Variants in NFATC2 observed in about 807,000 individuals in gnomAD.
The protein encoded by NFATC2 is nuclear factor of activated T-cells, cytoplasmic 2.
Under a neutral mutation model 87.3 loss-of-function variants are expected in NFATC2, and 22 were observed. The observed-to-expected ratio is 0.25, with a 90% CI of 0.18 to 0.36. The LOEUF (loss-of-function observed/expected upper bound fraction) is 0.36, where lower values mean the gene tolerates loss of function less well. Ranked by LOEUF, NFATC2 falls within the 10% of genes least tolerant of loss-of-function variation. The pLI is 1.00. For synonymous variants in NFATC2, 565 were observed against 542.2 expected (o/e 1.04, Z -0.58); for missense variants, 1,149 against 1,259.1 (o/e 0.91, Z 1.32).
intron 1 of NFATC2, among the ~76,000 whole-genome samples, chr20:51,542,041 C>A (rs1247966076): frequency 6.6e-6 from 1 of 152,218 alleles, no homozygotes; most frequent in Non-Finnish European, 1.5e-5. Flanking sequence ...CCTTTGACAG[C>A]CCAGTCCCAG....
At chr20:51,476,429 T>A (rs904809203) in intron 3 of NFATC2, among the ~76,000 whole-genome samples, 1 of 152,016 alleles carries the variant, frequency 6.6e-6, no homozygotes, top group Non-Finnish European at 1.5e-5. Context: ...AGATAAAAGA[T>A]TAGCACATAG....
upstream of NFATC2, among the ~76,000 whole-genome samples, chr20:51,545,056 C>CT (rs1429401056): frequency 3.9e-5 from 6 of 152,178 alleles, no homozygotes; most frequent in Admixed American, 3.9e-4. Flanking sequence ...AGCTAGGATA[C>CT]TTATAGACAG....
At chr20:51,464,028 A>T (rs1249238216) in intron 5 of NFATC2, among the ~76,000 whole-genome samples, 1 of 152,038 alleles carries the variant, frequency 6.6e-6, no homozygotes, top group Non-Finnish European at 1.5e-5. Flanking sequence ...GGCCCACCCC[A>T]CTGGGCCAGA....
rs1985565237 is a variant in NFATC2, at chr20:51,449,928, A to T, written c.1849+4620T>A. On this transcript the variant is annotated intron_variant, in intron 6 of 10. Transcript: ENST00000371564. Reference sequence around the variant, plus strand: ...TACTCAATTACTAATAACGTTCATTATTAGTACTTACTACTGTTTTTTAAT... The same window carrying T: ...TACTCAATTACTAATAACGTTCATTTTTAGTACTTACTACTGTTTTTTAAT... 2.0e-5 allele frequency among the ~76,000 whole-genome samples: 3 copies of T among 152,204 alleles called. No individual in the cohort carries two copies. In the South Asian group the frequency reaches 6.2e-4, roughly 32 times the overall value.
rs370013899 is a variant in NFATC2 at position 51,467,289 on chromosome 20, G to T, written c.1708+6691C>A. Among the ~76,000 whole-genome samples, 70 of 152,252 alleles carry T rather than the reference G, an allele frequency of 4.6e-4. 2 individuals are homozygous for T. The South Asian group carries it at 0.014, about 31-fold the overall frequency. On this transcript the variant is annotated intron_variant, in intron 5 of 10. Coordinates refer to ENST00000371564, the MANE Select transcript of NFATC2 (RefSeq NM_012340.5). ...GAAGATACATAGGCCAGACATGGTG[G>T]CTCACGCCCGTAATCCCAACAGTTT...
intron 3 of NFATC2, among the ~76,000 whole-genome samples, chr20:51,513,815 C>A (rs1332207283): frequency 6.6e-6 from 1 of 152,256 alleles, no homozygotes; most frequent in Non-Finnish European, 1.5e-5. Flanking sequence ...ACTGGAACAG[C>A]ATGCAAAACT....
At chr20:51,552,591 C>T (rs530090253) in intron 1 of NFATC2, among the ~76,000 whole-genome samples, 1 of 152,124 alleles carries the variant, frequency 6.6e-6, no homozygotes, top group South Asian at 2.1e-4. Flanking sequence ...AATATGCCAC[C>T]CTCCCACTGG....
chr20:51,468,405 A>G (rs1987892132), intron 5 of NFATC2, among the ~76,000 whole-genome samples: 1 of 152,096 alleles, frequency 6.6e-6, no homozygotes, highest in African/African-American at 2.4e-5. Context: ...CCCCATACCC[A>G]CTCCCAAGCC....
At chr20:51,535,734 C>T (rs2076709439) in intron 1 of NFATC2, among the ~76,000 whole-genome samples, 1 of 152,198 alleles carries the variant, frequency 6.6e-6, no homozygotes, top group African/African-American at 2.4e-5. Context: ...GCAGGCATTT[C>T]AGACTTGGGG....
At chr20:51,411,684 C>T (rs938427342) in intron 9 of NFATC2, among the ~76,000 whole-genome samples, 1 of 151,990 alleles carries the variant, frequency 6.6e-6, no homozygotes, top group Non-Finnish European at 1.5e-5. Context: ...TGTGCCACCA[C>T]GCACAGCTAG....
intron 9 of NFATC2, among the ~76,000 whole-genome samples, chr20:51,420,112 GGAAA>G (rs1980661805): frequency 6.6e-6 from 1 of 152,028 alleles, no homozygotes; most frequent in African/African-American, 2.4e-5. Context: ...GTAAATAAAG[GGAAA>G]GAATCAAGCA....
chr20:51,505,881 C>G (rs1466345058), intron 3 of NFATC2, among the ~76,000 whole-genome samples: 1 of 152,194 alleles, frequency 6.6e-6, no homozygotes, highest in African/African-American at 2.4e-5. Flanking sequence ...AAACTAAAGC[C>G]TCCACATGAG....
Position 51,474,038 on chromosome 20 carries a change from G to T in NFATC2, c.1650C>A (p.Ile550=). ...TRVRLVFRVH[I]PESSGRIVSL... The stretch of plus-strand genomic sequence containing the variant: ...AGACGATTCTGCCACTGGACTCTGG[G>T]ATGTGAACTCGGAAAACCAGTCTCA... The change falls in exon 5 of 11, where the codon ATC becomes ATA. Residue 550 remains isoleucine, a synonymous_variant. Coordinates refer to ENST00000371564, the MANE Select transcript of NFATC2 (RefSeq NM_012340.5). 3 of 1,614,224 alleles carry T rather than the reference G, an allele frequency of 1.9e-6. No homozygotes were observed. Among genetic ancestry groups the T allele is most frequent in the Non-Finnish European group, 2.5e-6 (3 of 1,180,040 alleles).
In NFATC2 at chr20:51,435,204, G is replaced by A. The variant is rs767344797; in HGVS notation, c.2016C>T (p.His672=). ...NGKRKRSQPQ[H]FTYHPVPAIK... The stretch of plus-strand genomic sequence containing the variant: ...ACTCCTTACCTGGGTGGTAGGTAAA[G>A]TGCTGAGGCTGACTTCGTTTTCTCT... Residue 672 remains histidine, a synonymous_variant, in exon 8 of 11, where the codon CAC becomes CAT. Coordinates refer to ENST00000371564, the MANE Select transcript of NFATC2 (RefSeq NM_012340.5). The A allele has an allele frequency of 1.4e-5, 22 of 1,614,198 alleles. No individual in the cohort carries two copies. Among genetic ancestry groups the A allele is most frequent in the Non-Finnish European group, 1.8e-5 (21 of 1,180,034 alleles).
rs1232977168 is a variant in NFATC2, at chr20:51,523,890, C to T, written c.351G>A (p.Pro117=). ...CCACTGCCTGGATCAGTTCGTGGGA[C>T]GGAGTGATCTCGATCCGAGGGCTCA... The part of the protein sequence containing the change: ...SGLSPRIEIT[P]SHELIQAVGP... Residue 117 remains proline, a synonymous_variant, in exon 2 of 11, where the codon CCG becomes CCA. Transcript: ENST00000371564. The surrounding 1 kb of genome is among the most constrained non-coding windows in gnomAD (Gnocchi z 6.9). The T allele has an allele frequency of 5.6e-6, 9 of 1,606,166 alleles. No homozygotes were observed. The highest frequency in any genetic ancestry group is 5.9e-6 in the Non-Finnish European group (7 of 1,177,596).
chr20:51,561,347 GAGAGAGAAAGA>G (rs1568764993), intron 1 of NFATC2, among the ~76,000 whole-genome samples: 4 of 132,232 alleles, frequency 3.0e-5, no homozygotes, highest in African/African-American at 8.9e-5. Context: ...AAGAAAGAAA[GAGAGAGAAAGA>G]AAAGAAAGAA....
rs1259713453 is a variant in NFATC2 at position 51,474,144 on chromosome 20, C to G, written c.1544G>C (p.Cys515Ser). The change falls in exon 5 of 11, where the codon TGT (cysteine) becomes TCT (serine). Residue 515 changes from cysteine (C) to serine (S), a missense_variant. Around this residue, in one of 3 missense-constraint regions of NFATC2, gnomAD observed 581 missense variants for 649.7 expected, o/e 0.89. Transcript: ENST00000371564. ...GTTTCTAAGCTTCAAGATCCCCGCA[C>G]AGTCGATGCTGCCAGGATGTTAAGA... ...PKNNMRATIDCAGILKLRNAD... is the reference protein window; with the variant it reads ...PKNNMRATIDSAGILKLRNAD... The G allele has an allele frequency of 3.1e-6, 5 of 1,614,056 alleles. No individual in the cohort carries two copies. The highest frequency in any genetic ancestry group is 4.2e-6 in the Non-Finnish European group (5 of 1,180,022).
intron 1 of NFATC2, among the ~76,000 whole-genome samples, chr20:51,539,302 T>C (rs1304829106): frequency 6.6e-6 from 1 of 152,208 alleles, no homozygotes; most frequent in African/African-American, 2.4e-5. Flanking sequence ...GTCACCAATA[T>C]GTTGCCATCT....
chr20:51,404,709 C>A (rs1429405941), intron 9 of NFATC2, among the ~76,000 whole-genome samples: 1 of 152,196 alleles, frequency 6.6e-6, no homozygotes, highest in African/African-American at 2.4e-5. Flanking sequence ...TCAGAATGGG[C>A]AGGGCTGAGA....
Sources: gnomAD v4.1 joint callset for allele counts (sites outside exome capture counted in the v4.1 genomes callset) on GRCh38, gnomAD v4.1.1 for gene constraint, gnomAD v4.1.1 regional missense constraint, Gnocchi (gnomAD v3.1) non-coding constraint, MANE v1.5 for transcripts, NCBI Gene and HGNC (gene_info 2026-07-23, HGNC 2026-07-21) for gene names.